Variants in LRMDA observed in about 807,000 individuals in gnomAD.
LRMDA encodes leucine-rich melanocyte differentiation-associated protein.
In LRMDA, 18 loss-of-function variants were observed where a neutral mutation model predicts 29.8. The ratio of observed to expected loss-of-function variants is 0.60; its 90% CI spans 0.42 to 0.90. The LOEUF is 0.90. LRMDA is among the 40% of genes least tolerant of loss of function. LRMDA has a pLI of 0.00. For missense variants in LRMDA, 273 were observed against 273.9 expected (o/e 1.00, Z 0.02); for synonymous variants, 125 against 109.4 (o/e 1.14, Z -0.89).
At chr10:75,810,710 C>A (rs1371202884) in intron 2 of LRMDA, among the ~76,000 whole-genome samples, 1 of 152,180 alleles carries the variant, frequency 6.6e-6, no homozygotes, top group Non-Finnish European at 1.5e-5. Flanking sequence ...GAGACAATTA[C>A]AAACTGGGTT....
chr10:76,305,778 C>A (rs115794523), intron 5 of LRMDA, among the ~76,000 whole-genome samples: 2 of 151,882 alleles, frequency 1.3e-5, no homozygotes, highest in African/African-American at 4.8e-5. Context: ...CATATGTATA[C>A]GTTTAGATGA....
intron 2 of LRMDA, among the ~76,000 whole-genome samples, chr10:75,784,238 G>T (rs989826585): frequency 6.6e-6 from 1 of 152,192 alleles, no homozygotes; most frequent in Non-Finnish European, 1.5e-5. Context: ...AGAGCTAATT[G>T]CCTCCCTGAG....
chr10:76,333,665 C>T (rs1301549353), intron 6 of LRMDA, among the ~76,000 whole-genome samples: 1 of 152,110 alleles, frequency 6.6e-6, no homozygotes, highest in Non-Finnish European at 1.5e-5. Flanking sequence ...TTTTCCTCCG[C>T]ATGTTATTCA....
intron 2 of LRMDA, among the ~76,000 whole-genome samples, chr10:75,498,704 G>T (rs575185179): frequency 3.3e-5 from 5 of 152,132 alleles, no homozygotes; most frequent in African/African-American, 1.2e-4. Flanking sequence ...GACTAAGTGG[G>T]TACACCATAA....
At chr10:75,833,422 G>T (rs1350608946) in intron 2 of LRMDA, among the ~76,000 whole-genome samples, 1 of 148,274 alleles carries the variant, frequency 6.7e-6, no homozygotes, top group African/African-American at 2.7e-5. Context: ...AAGATTATCA[G>T]TGATTGGAGC....
At chr10:76,303,212 T>G (rs964323996) in intron 5 of LRMDA, among the ~76,000 whole-genome samples, 2 of 94,120 alleles carry the variant, frequency 2.1e-5, no homozygotes, top group Non-Finnish European at 3.6e-5. Context: ...CACTCCTCCC[T>G]TTTTTTTTTT....
intron 2 of LRMDA, among the ~76,000 whole-genome samples, chr10:75,788,775 T>C (rs1281430176): frequency 1.3e-5 from 2 of 152,262 alleles, no homozygotes; most frequent in African/African-American, 4.8e-5. Flanking sequence ...ACAGTCCTTT[T>C]ACTAAAGAAG....
chr10:75,783,607 G>A (rs1179909970), intron 2 of LRMDA, among the ~76,000 whole-genome samples: 4 of 151,958 alleles, frequency 2.6e-5, no homozygotes, highest in African/African-American at 4.8e-5. Flanking sequence ...TTGAATCCAC[G>A]TGCCATCCCT....
At chr10:75,879,817 G>A (rs541411560) in intron 2 of LRMDA, among the ~76,000 whole-genome samples, 2 of 152,090 alleles carry the variant, frequency 1.3e-5, no homozygotes, top group East Asian at 3.9e-4. Flanking sequence ...TCCATTTCTT[G>A]GAATGATGCA....
At chr10:75,634,824 A>G (rs1463420172) in intron 2 of LRMDA, among the ~76,000 whole-genome samples, 3 of 152,246 alleles carry the variant, frequency 2.0e-5, no homozygotes, top group Non-Finnish European at 4.4e-5. Flanking sequence ...AGGGGTGGAT[A>G]TGTCTCATTT....
chr10:76,482,386 A>G (rs974273274), intron 6 of LRMDA, among the ~76,000 whole-genome samples: 2 of 151,990 alleles, frequency 1.3e-5, no homozygotes, highest in Non-Finnish European at 1.5e-5. Context: ...CTTACTTAGC[A>G]TTTAATAAAA....
intron 6 of LRMDA, among the ~76,000 whole-genome samples, chr10:76,423,558 G>C (rs1404550500): frequency 2.0e-5 from 3 of 152,156 alleles, no homozygotes; most frequent in African/African-American, 7.2e-5. Flanking sequence ...AGTCATTCAT[G>C]TGATTATTGA....
intron 2 of LRMDA, among the ~76,000 whole-genome samples, chr10:75,783,818 TTCAA>T (rs922321058): frequency 2.6e-5 from 4 of 152,296 alleles, no homozygotes; most frequent in East Asian, 1.9e-4. Context: ...CTCCCTTTCT[TTCAA>T]TCAAGCGAAA....
intron 5 of LRMDA, among the ~76,000 whole-genome samples, chr10:76,144,233 C>T (rs1386033853): frequency 1.3e-5 from 2 of 151,992 alleles, no homozygotes; most frequent in Admixed American, 6.6e-5. Context: ...GTGAAGAAAG[C>T]CATTGGTAGC....
At chr10:75,475,415 G>C (rs1306704522) in intron 2 of LRMDA, among the ~76,000 whole-genome samples, 1 of 152,048 alleles carries the variant, frequency 6.6e-6, no homozygotes, top group Non-Finnish European at 1.5e-5. Context: ...GGGTAAGCCT[G>C]TCCTCCTCCC....
intron 2 of LRMDA, among the ~76,000 whole-genome samples, chr10:75,987,704 C>A (rs567399884): frequency 6.6e-6 from 1 of 152,170 alleles, no homozygotes; most frequent in Non-Finnish European, 1.5e-5. Flanking sequence ...AATCTGTGGT[C>A]TCTGTGGGTT....
At chr10:75,509,746 G>C (rs868364605) in intron 2 of LRMDA, among the ~76,000 whole-genome samples, 2 of 152,184 alleles carry the variant, frequency 1.3e-5, no homozygotes, top group African/African-American at 4.8e-5. Flanking sequence ...AGTCACTTCA[G>C]TTTTCTGGCC....
chr10:76,382,710 C>T (rs1332383053), intron 6 of LRMDA, among the ~76,000 whole-genome samples: 1 of 152,144 alleles, frequency 6.6e-6, no homozygotes, highest in Non-Finnish European at 1.5e-5. Flanking sequence ...GCCTCTGGGG[C>T]ATCTGCCTTT....
intron 5 of LRMDA, among the ~76,000 whole-genome samples, chr10:76,303,247 G>A (rs542066949): frequency 1.7e-4 from 24 of 139,534 alleles, no homozygotes; most frequent in African/African-American, 6.5e-4. Context: ...TAATTAAATC[G>A]TGTTTTTGAT....
Sources: gnomAD v4.1 joint callset for allele counts (sites outside exome capture counted in the v4.1 genomes callset) on GRCh38, gnomAD v4.1.1 for gene constraint, MANE v1.5 for transcripts, NCBI Gene and HGNC (gene_info 2026-07-23, HGNC 2026-07-21) for gene names.